PRKN: variants seen among roughly 807,000 people sequenced by gnomAD.
The protein encoded by PRKN is parkin RBR E3 ubiquitin protein ligase.
In PRKN, 56 loss-of-function variants were observed where a neutral mutation model predicts 59.5. The ratio of observed to expected loss-of-function variants is 0.94; its 90% CI spans 0.76 to 1.18. PRKN has a LOEUF of 1.18. Ranked by LOEUF, PRKN falls within the 50% of genes most tolerant of loss-of-function variation. The pLI is 0.00. For missense variants in PRKN, 657 were observed against 596.4 expected (o/e 1.10, Z -1.06); for synonymous variants, 250 against 222.1 (o/e 1.13, Z -1.12).
At chr6:161,685,198 A>G (rs568803430) in intron 7 of PRKN, among the ~76,000 whole-genome samples, 2 of 152,094 alleles carry the variant, frequency 1.3e-5, no homozygotes, top group Non-Finnish European at 2.9e-5. Flanking sequence ...TTTCTACTTC[A>G]TCTGTTAGTC....
intron 3 of PRKN, among the ~76,000 whole-genome samples, chr6:162,238,584 A>C (rs2128090131): frequency 6.6e-6 from 1 of 152,338 alleles, no homozygotes; most frequent in South Asian, 2.1e-4. Context: ...CTGGAAAAGG[A>C]GCCAAGACCC....
chr6:161,712,120 G>A (rs536664975), intron 7 of PRKN, among the ~76,000 whole-genome samples: 6 of 152,232 alleles, frequency 3.9e-5, no homozygotes, highest in Admixed American at 2.6e-4. Flanking sequence ...TAATACATGA[G>A]GTGAGGTAAC....
At chr6:162,679,073 C>CATTT (rs1262601885) in intron 1 of PRKN, among the ~76,000 whole-genome samples, 56 of 54,504 alleles carry the variant, frequency 1.0e-3, no homozygotes, top group Non-Finnish European at 1.9e-3. Context: ...CTGTGCCTGG[C>CATTT]CTTTATTTAT....
At chr6:161,949,383 C>A (rs1050747304) in intron 6 of PRKN, among the ~76,000 whole-genome samples, 1 of 152,034 alleles carries the variant, frequency 6.6e-6, no homozygotes. Flanking sequence ...TTGTGGCAGG[C>A]GCCTGTAGTC....
At chr6:162,178,636 A>G (rs1783645967) in intron 4 of PRKN, among the ~76,000 whole-genome samples, 1 of 152,208 alleles carries the variant, frequency 6.6e-6, no homozygotes. Flanking sequence ...AAAGTGCTGC[A>G]GGTGGACATG....
At chr6:162,448,948 C>T (rs1212528597) in intron 1 of PRKN, among the ~76,000 whole-genome samples, 1 of 151,360 alleles carries the variant, frequency 6.6e-6, no homozygotes, top group African/African-American at 2.4e-5. Flanking sequence ...AGTGCAGTGG[C>T]ACGATCTCAG....
chr6:161,501,165 CCCGGCTGTGTTTAGTTTTCTA>C (rs1777950352), intron 9 of PRKN, among the ~76,000 whole-genome samples: 1 of 152,152 alleles, frequency 6.6e-6, no homozygotes, highest in Non-Finnish European at 1.5e-5. Context: ...AGCCATTGTG[CCCGGCTGTGTTTAGTTTTCTA>C]AGAAACTGCC....
At chr6:162,469,727 C>T (rs1263480772) in intron 1 of PRKN, among the ~76,000 whole-genome samples, 1 of 150,910 alleles carries the variant, frequency 6.6e-6, no homozygotes, top group Non-Finnish European at 1.5e-5. Flanking sequence ...GGGGACTCAA[C>T]AGGAAAGGAT....
chr6:161,569,665 C>T (rs1304830580), intron 7 of PRKN, among the ~76,000 whole-genome samples: 17 of 152,162 alleles, frequency 1.1e-4, no homozygotes, highest in Non-Finnish European at 2.9e-5. Flanking sequence ...GCTTTCTCTC[C>T]CCTCTGATTA....
chr6:162,425,555 G>T lies in PRKN; in HGVS notation c.171+17755C>A, dbSNP rs1207701197. On this transcript the variant is annotated intron_variant, in intron 2 of 11. Coordinates refer to ENST00000366898, the MANE Select transcript of PRKN (RefSeq NM_004562.3). ...AGAAAAGGCAGTGACATTGGAAAAA[G>T]AATCACATAGAAAACCCATCAATGA... Among the ~76,000 whole-genome samples, 4 of 152,118 alleles carry T rather than the reference G, an allele frequency of 2.6e-5. No homozygotes were observed. In the East Asian group the frequency reaches 7.7e-4, roughly 29 times the overall value.
At chr6:162,584,612 C>T (rs544171454) in intron 1 of PRKN, among the ~76,000 whole-genome samples, 63 of 151,832 alleles carry the variant, frequency 4.1e-4, no homozygotes, top group African/African-American at 1.5e-3. Context: ...CATGATTTTC[C>T]AGCTCTCTAA....
chr6:161,687,199 C>T (rs1335707573), intron 7 of PRKN, among the ~76,000 whole-genome samples: 1 of 151,026 alleles, frequency 6.6e-6, no homozygotes, highest in African/African-American at 2.4e-5. Flanking sequence ...CTAGTCTGGC[C>T]AACATGGTGA....
At chr6:162,024,991 T>C (rs1783367600) in intron 5 of PRKN, among the ~76,000 whole-genome samples, 1 of 151,892 alleles carries the variant, frequency 6.6e-6, no homozygotes, top group Admixed American at 6.6e-5. Context: ...TACGTTTCTA[T>C]GTTGTGTTCA....
intron 5 of PRKN, among the ~76,000 whole-genome samples, chr6:162,022,192 G>A (rs1783234356): frequency 6.6e-6 from 1 of 151,948 alleles, no homozygotes; most frequent in African/African-American, 2.4e-5. Context: ...CTTTTCCTTT[G>A]GGTAGTTACC....
At chr6:161,901,159 C>G (rs528532133) in intron 6 of PRKN, among the ~76,000 whole-genome samples, 14 of 152,106 alleles carry the variant, frequency 9.2e-5, no homozygotes, top group African/African-American at 3.1e-4. Flanking sequence ...TCAGGTGATC[C>G]TCCTGACCTC....
intron 4 of PRKN, among the ~76,000 whole-genome samples, chr6:162,109,796 G>A (rs952652687): frequency 7.9e-5 from 12 of 152,060 alleles, no homozygotes; most frequent in African/African-American, 1.9e-4. Context: ...TTCATTTACC[G>A]CCTTCTCAGC....
intron 6 of PRKN, among the ~76,000 whole-genome samples, chr6:161,932,653 AAAT>A (rs1343807068): frequency 6.6e-6 from 1 of 152,208 alleles, no homozygotes; most frequent in Non-Finnish European, 1.5e-5. Context: ...AGCTATAAAA[AAAT>A]TATGTTTTAT....
intron 9 of PRKN, among the ~76,000 whole-genome samples, chr6:161,452,206 C>A (rs1175694648): frequency 1.3e-5 from 2 of 152,130 alleles, no homozygotes; most frequent in Non-Finnish European, 2.9e-5. Flanking sequence ...CCACCTCGGC[C>A]TCCCAAAATG....
intron 3 of PRKN, among the ~76,000 whole-genome samples, chr6:162,217,215 C>T (rs1777715370): frequency 6.6e-6 from 1 of 152,160 alleles, no homozygotes; most frequent in South Asian, 2.1e-4. Context: ...ATTTGTTCCC[C>T]TCAGTCTCTC....
Sources: gnomAD v4.1 joint callset for allele counts (sites outside exome capture counted in the v4.1 genomes callset) on GRCh38, gnomAD v4.1.1 for gene constraint, MANE v1.5 for transcripts, NCBI Gene and HGNC (gene_info 2026-07-23, HGNC 2026-07-21) for gene names.